SETX: variants seen among roughly 807,000 people sequenced by gnomAD.
The protein encoded by SETX is helicase senataxin.
A neutral mutation model predicts 227.2 loss-of-function variants in SETX; 90 were observed. The observed-to-expected ratio is 0.40, with a 90% CI of 0.33 to 0.47. SETX has a LOEUF of 0.47. SETX is among the 20% of genes least tolerant of loss of function. The pLI is 0.91. For synonymous variants in SETX, 1,210 were observed against 1,113.2 expected (o/e 1.09, Z -1.73); for missense variants, 3,052 against 3,181.5 (o/e 0.96, Z 0.98).
chr9:132,356,082 C>T (rs1370129857), upstream of SETX, among the ~76,000 whole-genome samples: 3 of 151,270 alleles, frequency 2.0e-5, no homozygotes, highest in Non-Finnish European at 2.9e-5. Context: ...ACCGGGAGAT[C>T]GAGACTGCAG....
rs370631806 is a variant in SETX at position 132,329,349 on chromosome 9, G to C, written c.2249C>G (p.Ser750Cys). Residue 750 changes from serine (S) to cysteine (C), a missense_variant, in exon 10 of 26, where the codon TCT (serine) becomes TGT (cysteine). Ser to Cys is a moderately radical substitution (Grantham distance 112). Transcript: ENST00000224140. ...CACTTTTTCCAAAGCATCAGTGCTA[G>C]AATCAGTCAACAAACGTGTTGATAC... Reference protein sequence around the residue: ...IIVSTRLLTDSSTDALEKVST... With the variant: ...IIVSTRLLTDCSTDALEKVST... The C allele has an allele frequency of 3.7e-6, 6 of 1,613,860 alleles. No homozygotes were observed. Among genetic ancestry groups the C allele is most frequent in the African/African-American group, 1.3e-5 (1 of 74,930 alleles).
intron 5 of SETX, among the ~76,000 whole-genome samples, chr9:132,342,008 T>C (rs183064626): frequency 1.2e-4 from 19 of 152,312 alleles, no homozygotes; most frequent in Admixed American, 1.2e-3. Flanking sequence ...AAATTCACCA[T>C]CATCTTGACT....
At position 132,264,368 on chromosome 9, in the gene SETX, G is replaced by A. The variant is rs112201716; in HGVS notation, c.7905C>T (p.Ala2635=). 1.0e-3 allele frequency: 1,693 copies of A among 1,614,130 alleles called. 16 individuals are homozygous for A. In the African/African-American group the frequency reaches 0.021, roughly 20 times the overall value. Residue 2635 remains alanine (A), a synonymous_variant, in exon 26 of 26, where the codon GCC becomes GCT. Coordinates refer to ENST00000224140, the MANE Select transcript of SETX (RefSeq NM_015046.7). The part of the protein sequence containing the change: ...PEEELCHRRE[A]RAFSEGEQEK... ...CCTGCTCCCCTTCACTGAAAGCCCT[G>A]GCCTCTCTCCTGTGACAGAGCTCCT... is the stretch of plus-strand genomic sequence containing the variant.
At position 132,296,818 on chromosome 9, in the gene SETX, G is replaced by A; in HGVS notation, c.5949+69C>T. ...ATGGCATGTTAATACTTATTTACAT[G>A]TCAGTTAACTCAAGTAAAGTAAAAT... On this transcript the variant is annotated intron_variant, in intron 14 of 25. Transcript: ENST00000224140. 5 of 1,362,492 alleles carry A rather than the reference G, an allele frequency of 3.7e-6. No individual in the cohort carries two copies. The Admixed American group carries it at 5.1e-5, about 14-fold the overall frequency. 84.4% of individuals were successfully genotyped at this position (1,362,492 alleles called of 1,614,324 possible).
intron 18 of SETX, among the ~76,000 whole-genome samples, chr9:132,284,804 T>C (rs995767111): frequency 7.9e-5 from 12 of 152,110 alleles, no homozygotes; most frequent in African/African-American, 2.9e-4. Flanking sequence ...GGCTCACAGT[T>C]GCCACCCTCA....
chr9:132,339,271 C>G (rs1224834700), intron 5 of SETX, among the ~76,000 whole-genome samples: 1 of 151,942 alleles, frequency 6.6e-6, no homozygotes, highest in East Asian at 1.9e-4. Flanking sequence ...GCACTTGAGC[C>G]CAGGAGTTCG....
chr9:132,337,511 T>C (rs934871482), intron 5 of SETX, among the ~76,000 whole-genome samples: 2 of 150,804 alleles, frequency 1.3e-5, no homozygotes, highest in African/African-American at 4.9e-5. Context: ...ACAAAATACA[T>C]TATATAGGCA....
chr9:132,331,672 T>C (rs570916432), intron 7 of SETX, among the ~76,000 whole-genome samples: 190 of 140,962 alleles, frequency 1.3e-3, no homozygotes, highest in African/African-American at 4.8e-3. Context: ...GATACGTCTG[T>C]AAAAAAAAAA....
intron 5 of SETX, among the ~76,000 whole-genome samples, chr9:132,339,010 A>G (rs508842): frequency 0.89 from 135,971 of 152,204 alleles, 60,840 homozygotes; most frequent in Non-Finnish European, 0.92. Flanking sequence ...CAATCCTCCA[A>G]CCCTGGCTTC....
intron 23 of SETX, among the ~76,000 whole-genome samples, chr9:132,274,434 T>C (rs1843052635): frequency 1.3e-5 from 2 of 149,948 alleles, no homozygotes; most frequent in South Asian, 2.1e-4. Flanking sequence ...AAAGGTCTGA[T>C]TTTTTCTTTT....
At chr9:132,302,680 G>GAAAAAAAAAAAAA (rs1564510211) in intron 11 of SETX, among the ~76,000 whole-genome samples, 1 of 36,176 alleles carries the variant, frequency 2.8e-5, no homozygotes, top group Admixed American at 2.6e-4. Context: ...AAAAAAAAAA[G>GAAAAAAAAAAAAA]CAAAAAAAAA....
chr9:132,312,941 G>T (rs1158758831), intron 10 of SETX, among the ~76,000 whole-genome samples: 2 of 152,174 alleles, frequency 1.3e-5, no homozygotes, highest in Non-Finnish European at 2.9e-5. Context: ...ATGCTACAAG[G>T]ATAGGCCTCA....
chr9:132,317,356 T>C (rs1846033128), intron 10 of SETX, among the ~76,000 whole-genome samples: 1 of 152,236 alleles, frequency 6.6e-6, no homozygotes, highest in African/African-American at 2.4e-5. Flanking sequence ...CTCCAATTAT[T>C]TCATTGCTCC....
chr9:132,310,654 G>T (rs148002524), intron 11 of SETX, among the ~76,000 whole-genome samples: 2 of 152,098 alleles, frequency 1.3e-5, no homozygotes, highest in African/African-American at 4.8e-5. Flanking sequence ...CCAAACATCC[G>T]CTTTCTTTCT....
rs983633523 is a variant in SETX at position 132,264,175 on chromosome 9, C to T, written c.*64G>A. On this transcript the variant is annotated 3_prime_UTR_variant, in exon 26 of 26. Transcript: ENST00000224140. ...AAAAAACAAGCTTATCTAGATGGTCCCACGAGCTGGTCATCTTCAGTTTAC... is the reference window on the plus strand; with the variant it reads ...AAAAAACAAGCTTATCTAGATGGTCTCACGAGCTGGTCATCTTCAGTTTAC... 6.2e-7 allele frequency: 1 copy of T among 1,607,586 alleles called. No individual in the cohort carries two copies. The highest frequency in any genetic ancestry group is 1.3e-5 in the African/African-American group (1 of 74,990).
intron 12 of SETX, among the ~76,000 whole-genome samples, chr9:132,299,448 C>T (rs976888525): frequency 1.3e-5 from 2 of 152,214 alleles, no homozygotes; most frequent in African/African-American, 4.8e-5. Flanking sequence ...TCAATCCTCA[C>T]TGCAACTCTT....
At chr9:132,297,101 G>A (rs1314075634) in intron 13 of SETX, 47 bp from the exon 14 acceptor site, 1 of 1,508,150 alleles carries the variant, frequency 6.6e-7, no homozygotes, top group Non-Finnish European at 9.1e-7. Context: ...TTTCTGTAGT[G>A]GAATTTGAAA....
At chr9:132,289,084 G>GT (rs781048421) in intron 15 of SETX, among the ~76,000 whole-genome samples, 1 of 152,134 alleles carries the variant, frequency 6.6e-6, no homozygotes, top group Non-Finnish European at 1.5e-5. Context: ...ATATGGAACA[G>GT]TAAGTTGTAG....
intron 15 of SETX, 91 bp downstream of exon 15, chr9:132,295,781 G>C: frequency 8.5e-7 from 1 of 1,169,984 alleles, no homozygotes; most frequent in South Asian, 1.3e-5. Context: ...GCTATTACCA[G>C]GACTGGCCTG....
Sources: gnomAD v4.1 joint callset for allele counts (sites outside exome capture counted in the v4.1 genomes callset) on GRCh38, gnomAD v4.1.1 for gene constraint, MANE v1.5 for transcripts, NCBI Gene and HGNC (gene_info 2026-07-23, HGNC 2026-07-21) for gene names.